SNX29: variants seen among roughly 807,000 people sequenced by gnomAD.
The protein encoded by SNX29 is sorting nexin 29, also known as sorting nexin-29.
In SNX29, 78 loss-of-function variants were observed where a neutral mutation model predicts 102.1. That is an observed-to-expected ratio of 0.76 (90% confidence interval 0.64 to 0.92). The LOEUF is 0.92. Ranked by LOEUF, SNX29 falls within the 40% of genes least tolerant of loss-of-function variation. The pLI is 0.00. For missense variants in SNX29, 1,280 were observed against 1,061.7 expected (o/e 1.21, Z -2.86); for synonymous variants, 580 against 414.5 (o/e 1.40, Z -4.85).
intron 14 of SNX29, among the ~76,000 whole-genome samples, chr16:12,227,970 C>T (rs1273990399): frequency 6.8e-6 from 1 of 147,594 alleles, no homozygotes; most frequent in East Asian, 2.1e-4. Flanking sequence ...GACTCGTCAC[C>T]TGGGAGCATG....
intron 3 of SNX29, among the ~76,000 whole-genome samples, chr16:12,004,080 G>A (rs961953185): frequency 8.6e-5 from 13 of 151,148 alleles, no homozygotes; most frequent in African/African-American, 2.9e-4. Context: ...AGTGGCTCAC[G>A]CCTGTAATCC....
At chr16:12,563,812 G>A (rs1040522659) in intron 20 of SNX29, among the ~76,000 whole-genome samples, 1 of 152,174 alleles carries the variant, frequency 6.6e-6, no homozygotes, top group South Asian at 2.1e-4. Flanking sequence ...CCCATTTGCT[G>A]CTTTTTATTT....
At chr16:12,184,012 G>T (rs188021891) in intron 13 of SNX29, among the ~76,000 whole-genome samples, 1 of 152,160 alleles carries the variant, frequency 6.6e-6, no homozygotes, top group African/African-American at 2.4e-5. Flanking sequence ...ATGGGCCACC[G>T]GCATCCCTCG....
intron 20 of SNX29, among the ~76,000 whole-genome samples, chr16:12,563,403 T>G (rs891059152): frequency 5.3e-5 from 8 of 152,222 alleles, no homozygotes; most frequent in Non-Finnish European, 7.3e-5. Flanking sequence ...TGAAAATAGA[T>G]GGCGACTGGA....
chr16:12,295,182 G>A (rs2079938390), intron 15 of SNX29, among the ~76,000 whole-genome samples: 1 of 152,182 alleles, frequency 6.6e-6, no homozygotes, highest in Non-Finnish European at 1.5e-5. Context: ...TTGGGCCGGG[G>A]CACACCTAAA....
intron 14 of SNX29, among the ~76,000 whole-genome samples, chr16:12,216,768 A>G (rs1320667758): frequency 7.7e-6 from 1 of 130,124 alleles, no homozygotes; most frequent in African/African-American, 2.9e-5. Flanking sequence ...TGAGTCTTCA[A>G]ATTCACTCGC....
At chr16:12,123,572 C>T (rs887334304) in intron 11 of SNX29, among the ~76,000 whole-genome samples, 5 of 151,824 alleles carry the variant, frequency 3.3e-5, no homozygotes, top group African/African-American at 4.8e-5. Context: ...AATATTCAGC[C>T]GTAAAAAGAG....
intron 15 of SNX29, among the ~76,000 whole-genome samples, chr16:12,285,695 A>G (rs1372914188): frequency 6.6e-6 from 1 of 152,134 alleles, no homozygotes; most frequent in Non-Finnish European, 1.5e-5. Flanking sequence ...GGGTTCCAAC[A>G]CTTCTCATGC....
intron 13 of SNX29, among the ~76,000 whole-genome samples, chr16:12,170,779 G>A (rs1596414546): frequency 6.6e-6 from 1 of 150,820 alleles, no homozygotes; most frequent in East Asian, 2.0e-4. Context: ...GTGAGTGTGT[G>A]TGTGAGAGTG....
At chr16:12,463,498 G>T (rs895098905) in intron 18 of SNX29, among the ~76,000 whole-genome samples, 3 of 152,128 alleles carry the variant, frequency 2.0e-5, no homozygotes, top group Admixed American at 2.0e-4. Context: ...GCCTTATACA[G>T]ACATCAGATC....
chr16:12,442,372 C>T (rs764878699), intron 18 of SNX29, among the ~76,000 whole-genome samples: 1 of 152,168 alleles, frequency 6.6e-6, no homozygotes, highest in Non-Finnish European at 1.5e-5. Context: ...TCTCCTAACC[C>T]TGTTTCTTCT....
chr16:12,548,843 A>G (rs1358089492), intron 20 of SNX29, among the ~76,000 whole-genome samples: 1 of 152,148 alleles, frequency 6.6e-6, no homozygotes, highest in African/African-American at 2.4e-5. Context: ...TCTAGCTCTC[A>G]GTTCCTCTGC....
At chr16:11,995,460 G>C (rs1257274946) in intron 1 of SNX29, among the ~76,000 whole-genome samples, 1 of 152,094 alleles carries the variant, frequency 6.6e-6, no homozygotes, top group Non-Finnish European at 1.5e-5. Flanking sequence ...CTTGCCTGCA[G>C]AGAGATCACA....
chr16:12,510,674 A>C (rs2089575903), intron 19 of SNX29, among the ~76,000 whole-genome samples: 1 of 151,778 alleles, frequency 6.6e-6, no homozygotes, highest in Non-Finnish European at 1.5e-5. Flanking sequence ...CTCTGTCTCA[A>C]AAAAAAGAAA....
chr16:12,567,825 C>T (rs897644977), intron 20 of SNX29, among the ~76,000 whole-genome samples: 1 of 152,198 alleles, frequency 6.6e-6, no homozygotes. Context: ...ACCCTCTGCT[C>T]TCACGGTGAA....
intron 11 of SNX29, chr16:12,088,050 C>G (rs1406246730): frequency 2.2e-6 from 1 of 456,664 alleles, no homozygotes; most frequent in Non-Finnish European, 4.4e-6. Flanking sequence ...TTGCTTGTGT[C>G]TCTAGGCTAG....
At chr16:12,008,508 A>T (rs1404647481) in intron 3 of SNX29, among the ~76,000 whole-genome samples, 1 of 151,592 alleles carries the variant, frequency 6.6e-6, no homozygotes, top group Non-Finnish European at 1.5e-5. Flanking sequence ...ACCTCAGGTG[A>T]TCCTCCCGCC....
intron 2 of SNX29, 48 bp from the exon 3 acceptor site, chr16:12,002,943 A>C (rs1444595227): frequency 6.2e-7 from 1 of 1,611,716 alleles, no homozygotes; most frequent in Non-Finnish European, 8.5e-7. Context: ...TGACGTTTTG[A>C]GTGTCCCATC....
chr16:12,438,199 G>A (rs2151657243), intron 18 of SNX29, among the ~76,000 whole-genome samples: 1 of 152,276 alleles, frequency 6.6e-6, no homozygotes, highest in Middle Eastern at 3.4e-3. Context: ...TGATGCATCA[G>A]GTGACTTGAA....
Sources: gnomAD v4.1 joint callset for allele counts (sites outside exome capture counted in the v4.1 genomes callset) on GRCh38, gnomAD v4.1.1 for gene constraint, MANE v1.5 for transcripts, NCBI Gene and HGNC (gene_info 2026-07-23, HGNC 2026-07-21) for gene names.